BEND5: variants seen among roughly 807,000 people sequenced by gnomAD.
BEND5 encodes BEN domain containing 5, also known as BEN domain-containing protein 5.
In BEND5, 22 loss-of-function variants were observed where a neutral mutation model predicts 43.9. The observed-to-expected ratio is 0.50, with a 90% confidence interval of 0.36 to 0.72. The LOEUF is 0.72. BEND5 is among the 30% of genes least tolerant of loss of function. The pLI is 0.00. For missense variants in BEND5, 428 were observed against 550.6 expected, an observed-to-expected ratio of 0.78 and a Z score of 2.23; for synonymous variants, 228 against 225.9, an observed-to-expected ratio of 1.01 and a Z score of -0.08.
chr1:48,759,079 T>C lies in BEND5; in HGVS notation c.566A>G (p.Asn189Ser). The change falls in exon 3 of 6, where the codon AAC (asparagine) becomes AGC (serine). Residue 189 changes from asparagine (N) to serine (S), a missense_variant. Around this residue, in one of 4 missense-constraint regions of BEND5, gnomAD observed 243 missense variants for 286.4 expected, o/e 0.85. Coordinates refer to ENST00000371833, the MANE Select transcript of BEND5 (RefSeq NM_024603.4). ...PRALYEELLR[N>S]YQQQQEEMRH... Reference sequence around the variant, plus strand: ...CATCTCTTCCTGTTGCTGCTGGTAGTTGCGCAGCAGCTCCTCATACAGAGC... The same window carrying C: ...CATCTCTTCCTGTTGCTGCTGGTAGCTGCGCAGCAGCTCCTCATACAGAGC... 6.2e-7 allele frequency: 1 copy of C among 1,612,934 alleles called. No homozygotes were observed. The highest frequency in any genetic ancestry group is 8.5e-7 in the Non-Finnish European group (1 of 1,179,450).
At chr1:48,759,486 T>C in intron 2 of BEND5, 1 of 1,083,346 alleles carries the variant, frequency 9.2e-7, no homozygotes. Flanking sequence ...GGGTTCCGAG[T>C]GGGGAAGGGG....
intron 3 of BEND5, among the ~76,000 whole-genome samples, chr1:48,747,422 T>C (rs528083777): frequency 6.6e-6 from 1 of 152,322 alleles, no homozygotes; most frequent in African/African-American, 2.4e-5. Context: ...AACCCATTCA[T>C]CACACAACCC....
rs1454940097 is a variant in BEND5 at position 48,728,174 on chromosome 1, A to G, written c.1109-131T>C. 8 of 779,112 alleles carry G rather than the reference A, an allele frequency of 1.0e-5. No individual in the cohort carries two copies. In the Admixed American group the frequency reaches 2.4e-4, roughly 24 times the overall value. 48.3% of individuals were successfully genotyped at this position (779,112 alleles called of 1,614,324 possible). A position where few individuals can be genotyped will look rare whatever the true frequency, so the allele number is the denominator to read the frequency against. ...CAGCTTATGTATCTGGCATAGCTAT[A>G]TTTTAAAATTTGCATCATAGAATGT... is the stretch of plus-strand genomic sequence containing the variant. On this transcript the variant is annotated intron_variant, in intron 5 of 5. Transcript: ENST00000371833.
At chr1:48,730,052 G>C (rs1339293463) in intron 5 of BEND5, among the ~76,000 whole-genome samples, 1 of 152,102 alleles carries the variant, frequency 6.6e-6, no homozygotes, top group African/African-American at 2.4e-5. Flanking sequence ...TCCAGATTCA[G>C]CTTTCTTGAA....
chr1:48,729,666 A>G (rs1177123554), intron 5 of BEND5, among the ~76,000 whole-genome samples: 1 of 152,096 alleles, frequency 6.6e-6, no homozygotes, highest in Non-Finnish European at 1.5e-5. Context: ...CCATATGCTG[A>G]GCCCTTCCCT....
chr1:48,734,739 C>T (rs1179476775), intron 5 of BEND5, among the ~76,000 whole-genome samples: 2 of 152,246 alleles, frequency 1.3e-5, no homozygotes, highest in Non-Finnish European at 2.9e-5. Context: ...AACAGACCTT[C>T]TCCAACTACC....
At position 48,736,581 on chromosome 1, in the gene BEND5, C is replaced by T; in HGVS notation, c.895-129G>A. 1 of 778,770 alleles carries T rather than the reference C, an allele frequency of 1.3e-6. No individual in the cohort carries two copies. Among genetic ancestry groups the T allele is most frequent in the Middle Eastern group, 3.7e-4 (1 of 2,680 alleles). 48.2% of individuals were successfully genotyped at this position (778,770 alleles called of 1,614,324 possible). On this transcript the variant is annotated intron_variant, in intron 4 of 5. Coordinates refer to ENST00000371833, the MANE Select transcript of BEND5 (RefSeq NM_024603.4). The surrounding 1 kb of genome is among the most constrained non-coding windows in gnomAD (Gnocchi z 4.0). ...ATGTCATAAATATGAAATTAACTCTCTTTAAGGGTAATCGTAATAGCTATC... is the reference window on the plus strand; with the variant it reads ...ATGTCATAAATATGAAATTAACTCTTTTTAAGGGTAATCGTAATAGCTATC...
intron 3 of BEND5, 50 bp from the exon 4 acceptor site, chr1:48,742,821 G>A (rs767292066): frequency 1.4e-6 from 2 of 1,435,558 alleles, no homozygotes; most frequent in African/African-American, 2.9e-5. Context: ...GAAAATAAAA[G>A]GCAAATATTT....
Position 48,776,748 on chromosome 1 carries a change from C to G in BEND5, c.84G>C (p.Ser28=). Residue 28 remains serine, a synonymous_variant, in exon 1 of 6, where the codon TCG becomes TCC. Coordinates refer to ENST00000371833, the MANE Select transcript of BEND5 (RefSeq NM_024603.4). ...VSCVRDFSPR[S]RLDFDNQKVY... ...CCTTCTGGTTGTCAAAATCCAGCCGCGAGCGGGGGCTGAAGTCGCGCACGC... is the reference window on the plus strand; with the variant it reads ...CCTTCTGGTTGTCAAAATCCAGCCGGGAGCGGGGGCTGAAGTCGCGCACGC... 1 of 1,527,510 alleles carries G rather than the reference C, an allele frequency of 6.5e-7. No individual in the cohort carries two copies. The highest frequency in any genetic ancestry group is 8.8e-7 in the Non-Finnish European group (1 of 1,137,720). The allele number at this position is 1,527,510 out of a possible 1,614,324, so 94.6% of individuals were successfully genotyped here.
At chr1:48,735,657 T>A (rs1295886627) in intron 5 of BEND5, among the ~76,000 whole-genome samples, 2 of 152,040 alleles carry the variant, frequency 1.3e-5, no homozygotes, top group African/African-American at 4.8e-5. Flanking sequence ...CTCTCCCATA[T>A]ACCAGAAAGG....
At chr1:48,771,649 A>G (rs1644839789) in intron 1 of BEND5, among the ~76,000 whole-genome samples, 1 of 152,188 alleles carries the variant, frequency 6.6e-6, no homozygotes, top group South Asian at 2.1e-4. Flanking sequence ...TTTTTCAAGA[A>G]AATAAATCCT....
At chr1:48,761,523 A>T (rs1380764341) in intron 1 of BEND5, 53 bp from the exon 2 acceptor site, 1 of 1,519,690 alleles carries the variant, frequency 6.6e-7, no homozygotes, top group African/African-American at 1.4e-5. Context: ...ATGAGTCATT[A>T]TGAGTTTAGA....
chr1:48,766,111 G>A (rs920436710), intron 1 of BEND5, among the ~76,000 whole-genome samples: 2 of 152,052 alleles, frequency 1.3e-5, no homozygotes, highest in African/African-American at 4.8e-5. Flanking sequence ...AAAAAATTAG[G>A]TTACCACTTG....
At position 48,736,138 on chromosome 1, in the gene BEND5, A is replaced by C; in HGVS notation, c.1108+101T>G. 87 of 1,261,452 alleles carry C rather than the reference A, an allele frequency of 6.9e-5. No individual in the cohort carries two copies. The highest frequency in any genetic ancestry group is 8.6e-5 in the Non-Finnish European group (75 of 873,746). The allele number at this position is 1,261,452 out of a possible 1,614,324, so 78.1% of individuals were successfully genotyped here. A position where few individuals can be genotyped will look rare whatever the true frequency, so the allele number is the denominator to read the frequency against. On this transcript the variant is annotated intron_variant, in intron 5 of 5. Coordinates refer to ENST00000371833, the MANE Select transcript of BEND5 (RefSeq NM_024603.4). The surrounding 1 kb of genome is among the most constrained non-coding windows in gnomAD (Gnocchi z 4.0). Reference sequence around the variant, plus strand: ...GGGCTCAGCCCAGGGTCTGGCATGCAGAAGCTTCATAAGTAATCGTTGAAT... The same window carrying C: ...GGGCTCAGCCCAGGGTCTGGCATGCCGAAGCTTCATAAGTAATCGTTGAAT...
chr1:48,763,643 A>G (rs560364298), intron 1 of BEND5, among the ~76,000 whole-genome samples: 2 of 152,356 alleles, frequency 1.3e-5, no homozygotes, highest in South Asian at 2.1e-4. Flanking sequence ...ATTAGAAATG[A>G]CAAGCTATGC....
At chr1:48,739,650 A>C (rs1649606081) in intron 4 of BEND5, among the ~76,000 whole-genome samples, 1 of 152,166 alleles carries the variant, frequency 6.6e-6, no homozygotes, top group Non-Finnish European at 1.5e-5. Flanking sequence ...TCTCAGCTAT[A>C]CAGTCAGCAG....
rs138020897 is a variant in BEND5 at position 48,774,190 on chromosome 1, C to T, written c.226+2416G>A. ...TAATAGCTAATCCACAAACATAAAG[C>T]CACCTCTGCTTCCCACTTGAGGGGA... On this transcript the variant is annotated intron_variant, in intron 1 of 5. Transcript: ENST00000371833. Among the ~76,000 whole-genome samples, 58 of 152,310 alleles carry T rather than the reference C, an allele frequency of 3.8e-4. No homozygotes were observed. The East Asian group carries it at 8.9e-3, about 23-fold the overall frequency.
At chr1:48,741,419 C>T (rs1649891420) in intron 4 of BEND5, among the ~76,000 whole-genome samples, 2 of 152,306 alleles carry the variant, frequency 1.3e-5, no homozygotes, top group Non-Finnish European at 2.9e-5. Flanking sequence ...TGCCGACTTC[C>T]AACTTGTCAT....
chr1:48,736,453 C>T lies in BEND5; in HGVS notation c.895-1G>A. Reference sequence around the variant, plus strand: ...CCCAAATCCCGCTTCCCAGATGGACCTGAGAGGAATAAGAACACCAGCACC... The same window carrying T: ...CCCAAATCCCGCTTCCCAGATGGACTTGAGAGGAATAAGAACACCAGCACC... On this transcript the variant is annotated splice_acceptor_variant, in intron 4 of 5. Coordinates refer to ENST00000371833, the MANE Select transcript of BEND5 (RefSeq NM_024603.4). LOFTEE classifies it high-confidence loss of function. The surrounding 1 kb of genome is among the most constrained non-coding windows in gnomAD (Gnocchi z 4.0). 6.2e-7 allele frequency: 1 copy of T among 1,613,932 alleles called. No individual in the cohort carries two copies. The highest frequency in any genetic ancestry group is 8.5e-7 in the Non-Finnish European group (1 of 1,179,926).
Sources: gnomAD v4.1 joint callset for allele counts (sites outside exome capture counted in the v4.1 genomes callset) on GRCh38, gnomAD v4.1.1 for gene constraint, gnomAD v4.1.1 regional missense constraint, Gnocchi (gnomAD v3.1) non-coding constraint, MANE v1.5 for transcripts, NCBI Gene and HGNC (gene_info 2026-07-23, HGNC 2026-07-21) for gene names.